Variants in NR6A1 observed in about 807,000 individuals in gnomAD.
The protein encoded by NR6A1 is nuclear receptor subfamily 6 group A member 1, also known as retinoic acid receptor-related testis-associated receptor.
NR6A1 carries 7 observed loss-of-function variants against 59.1 expected under a neutral mutation model. That is an observed-to-expected ratio of 0.12 (90% CI 0.07 to 0.22). NR6A1 has a LOEUF of 0.22. Ranked by LOEUF, NR6A1 falls within the 10% of genes least tolerant of loss-of-function variation. The probability of loss-of-function intolerance (pLI) is 1.00; values close to 1 mark genes in which losing one functional copy is unlikely to be tolerated. For synonymous variants in NR6A1, 243 were observed against 236.1 expected (o/e 1.03, Z -0.27); for missense variants, 468 against 611.6 (o/e 0.77, Z 2.48).
chr9:124,622,462 T>C (rs1207632604), intron 2 of NR6A1, among the ~76,000 whole-genome samples: 2 of 152,228 alleles, frequency 1.3e-5, no homozygotes, highest in Admixed American at 1.3e-4. Context: ...ATTATGGCTT[T>C]TCAGCTGTTA....
chr9:124,639,720 T>C (rs974922852), intron 2 of NR6A1, among the ~76,000 whole-genome samples: 64 of 152,168 alleles, frequency 4.2e-4, no homozygotes, highest in African/African-American at 1.5e-3. Flanking sequence ...AATGGATCAA[T>C]TATCAAATGC....
At chr9:124,609,784 T>C (rs954168403) in intron 2 of NR6A1, among the ~76,000 whole-genome samples, 1 of 152,214 alleles carries the variant, frequency 6.6e-6, no homozygotes, top group Non-Finnish European at 1.5e-5. Context: ...TCTGATTTAC[T>C]TGAGCAGTGG....
chr9:124,554,332 C>G lies in NR6A1; in HGVS notation c.381G>C (p.Arg127=), dbSNP rs7040570. Residue 127 remains arginine (R), a synonymous_variant, in exon 3 of 10, where the codon CGG becomes CGC. Transcript: ENST00000487099. ...AGAGCCATCAGCACCACTCACCCTT[C>G]CGGTTCATCCCCATCTGGAGGCATT... ...LLKCLQMGMN[R]KAIREDGMPG... is the part of the protein sequence containing the mutation. 6 of 1,614,082 alleles carry G rather than the reference C, an allele frequency of 3.7e-6. No homozygotes were observed. In the African/African-American group the frequency reaches 8.0e-5, roughly 22 times the overall value.
At chr9:124,633,231 C>T (rs566048782) in intron 2 of NR6A1, among the ~76,000 whole-genome samples, 4 of 151,572 alleles carry the variant, frequency 2.6e-5, no homozygotes, top group Admixed American at 6.6e-5. Flanking sequence ...GGTGAAACCC[C>T]GTCTCTACTA....
intron 1 of NR6A1, among the ~76,000 whole-genome samples, chr9:124,735,727 T>C (rs1048893980): frequency 5.9e-5 from 9 of 152,218 alleles, no homozygotes; most frequent in Admixed American, 5.2e-4. Context: ...TTCAGACTGC[T>C]ATAATAAAAT....
At chr9:124,548,802 A>C (rs2131373675) in intron 3 of NR6A1, among the ~76,000 whole-genome samples, 1 of 152,274 alleles carries the variant, frequency 6.6e-6, no homozygotes, top group East Asian at 1.9e-4. Context: ...AGAGTTAAGG[A>C]AATTTTTTAT....
At chr9:124,556,652 G>A (rs1342048595) in intron 2 of NR6A1, among the ~76,000 whole-genome samples, 1 of 151,850 alleles carries the variant, frequency 6.6e-6, no homozygotes, top group Non-Finnish European at 1.5e-5. Context: ...GTAGAGACGG[G>A]GTTTTACCAT....
intron 2 of NR6A1, among the ~76,000 whole-genome samples, chr9:124,638,934 C>T (rs1385064565): frequency 1.3e-5 from 2 of 152,058 alleles, no homozygotes; most frequent in South Asian, 2.1e-4. Flanking sequence ...TAGTATAATC[C>T]TTGTCTTTAC....
chr9:124,534,489 T>A (rs368852681), intron 7 of NR6A1, among the ~76,000 whole-genome samples: 9 of 152,080 alleles, frequency 5.9e-5, no homozygotes, highest in African/African-American at 2.2e-4. Flanking sequence ...AGTAAATGAG[T>A]AAAAAGTGTG....
chr9:124,555,249 C>T (rs1315161319), intron 2 of NR6A1, among the ~76,000 whole-genome samples: 4 of 152,206 alleles, frequency 2.6e-5, no homozygotes, highest in Non-Finnish European at 5.9e-5. Flanking sequence ...TAGCTCTTCA[C>T]TTCCTCTTCC....
intron 2 of NR6A1, among the ~76,000 whole-genome samples, chr9:124,590,901 C>T (rs182699483): frequency 1.3e-5 from 2 of 152,280 alleles, no homozygotes; most frequent in South Asian, 2.1e-4. Flanking sequence ...ACCTTAAAGC[C>T]CATCCCCCTC....
intron 7 of NR6A1, among the ~76,000 whole-genome samples, chr9:124,532,506 C>G (rs766307179): frequency 1.3e-5 from 2 of 152,224 alleles, no homozygotes; most frequent in Non-Finnish European, 2.9e-5. Context: ...AGGATAGGGA[C>G]TCTGAGTCAG....
At chr9:124,641,613 C>T (rs1412421577) in intron 2 of NR6A1, among the ~76,000 whole-genome samples, 1 of 152,160 alleles carries the variant, frequency 6.6e-6, no homozygotes, top group Non-Finnish European at 1.5e-5. Flanking sequence ...AGGAGGATTG[C>T]TTCAGCCCTG....
chr9:124,560,348 T>C (rs1207287672), intron 2 of NR6A1, among the ~76,000 whole-genome samples: 1 of 152,212 alleles, frequency 6.6e-6, no homozygotes, highest in Non-Finnish European at 1.5e-5. Flanking sequence ...GTCATTCTGG[T>C]CTATTGAAAT....
intron 1 of NR6A1, among the ~76,000 whole-genome samples, chr9:124,736,367 A>G (rs1162028085): frequency 6.6e-6 from 1 of 152,198 alleles, no homozygotes; most frequent in Non-Finnish European, 1.5e-5. Context: ...ATACTAAGTA[A>G]AATATTTAAG....
At chr9:124,659,886 T>C (rs1837375370) in intron 2 of NR6A1, among the ~76,000 whole-genome samples, 4 of 152,250 alleles carry the variant, frequency 2.6e-5, no homozygotes, top group Admixed American at 2.6e-4. Flanking sequence ...CTTAGGTTGG[T>C]TCCTAATTTG....
intron 2 of NR6A1, among the ~76,000 whole-genome samples, chr9:124,652,965 G>A (rs1200695304): frequency 1.3e-5 from 2 of 152,176 alleles, no homozygotes; most frequent in African/African-American, 4.8e-5. Flanking sequence ...ATGATCAGAG[G>A]AAGAATATTT....
chr9:124,656,533 A>T (rs1437985692), intron 2 of NR6A1, among the ~76,000 whole-genome samples: 1 of 152,160 alleles, frequency 6.6e-6, no homozygotes, highest in African/African-American at 2.4e-5. Context: ...GAGTAGTCAA[A>T]AAGCAAACAG....
At chr9:124,761,662 T>C (rs755116617) in intron 1 of NR6A1, among the ~76,000 whole-genome samples, 23 of 152,336 alleles carry the variant, frequency 1.5e-4, no homozygotes, top group Non-Finnish European at 1.8e-4. Context: ...TAAGACTCAG[T>C]GAAGCCAAAC....
Sources: allele counts gnomAD v4.1 joint callset (sites outside exome capture counted in the v4.1 genomes callset), GRCh38; gene constraint gnomAD v4.1.1; transcripts MANE v1.5; gene names NCBI Gene and HGNC (gene_info 2026-07-23, HGNC 2026-07-21).